The following TP63 variants were observed in gnomAD, a reference collection of about 807,000 sequenced individuals.
TP63 encodes the protein tumor protein p63.
A neutral mutation model predicts 82.8 loss-of-function variants in TP63; 17 were observed. The observed-to-expected ratio is 0.21, with a 90% confidence interval of 0.14 to 0.31. The LOEUF is 0.31. Ranked by LOEUF, TP63 falls within the 10% of genes least tolerant of loss-of-function variation. The pLI, the probability that TP63 is intolerant of heterozygous loss-of-function variation, is 1.00. For missense variants in TP63, 648 were observed against 895.3 expected (o/e 0.72, Z 3.52); for synonymous variants, 330 against 321.7 (o/e 1.03, Z -0.28).
intron 1 of TP63, among the ~76,000 whole-genome samples, chr3:189,731,394 TGTGAACCA>T (rs1483832222): frequency 6.6e-6 from 1 of 152,144 alleles, no homozygotes; most frequent in Non-Finnish European, 1.5e-5. Context: ...ATATATCTGG[TGTGAACCA>T]GTGAACCAGT....
chr3:189,690,732 G>A lies in TP63; in HGVS notation c.63-47008G>A, dbSNP rs184355819. Among the ~76,000 whole-genome samples, 9 of 152,304 alleles carry A rather than the reference G, an allele frequency of 5.9e-5. No individual in the cohort carries two copies. The East Asian group carries it at 1.7e-3, about 29-fold the overall frequency. The stretch of plus-strand genomic sequence containing the variant: ...TTAGCTGTTTTGTTCCTCATTCAAT[G>A]TGGGTATCACTCATTTTTATAGAAT... On this transcript the variant is annotated intron_variant, in intron 1 of 13. Transcript: ENST00000264731.
intron 7 of TP63, 22 bp downstream of exon 7, chr3:189,867,964 G>A: frequency 1.9e-6 from 3 of 1,597,346 alleles, no homozygotes; most frequent in Non-Finnish European, 2.6e-6. Flanking sequence ...ATGTAAAATT[G>A]TCATTCTACA....
intron 1 of TP63, among the ~76,000 whole-genome samples, chr3:189,692,005 T>G (rs947077200): frequency 6.6e-6 from 1 of 152,200 alleles, no homozygotes; most frequent in East Asian, 1.9e-4. Context: ...TCTGACACAA[T>G]TCAATGCTTT....
intron 3 of TP63, among the ~76,000 whole-genome samples, chr3:189,773,077 T>G (rs911428040): frequency 1.3e-5 from 2 of 152,194 alleles, no homozygotes; most frequent in Admixed American, 1.3e-4. Flanking sequence ...GATTTGTTTT[T>G]GCCCTTTCTC....
intron 3 of TP63, among the ~76,000 whole-genome samples, chr3:189,779,258 G>T (rs564763397): frequency 8.6e-5 from 13 of 152,034 alleles, no homozygotes; most frequent in Admixed American, 5.2e-4. Flanking sequence ...TTACAAAATC[G>T]TCTAGTTCAT....
chr3:189,696,716 CA>C (rs1717407120), intron 1 of TP63, among the ~76,000 whole-genome samples: 1 of 152,102 alleles, frequency 6.6e-6, no homozygotes, highest in African/African-American at 2.4e-5. Flanking sequence ...AATTGCTTGG[CA>C]GTCGTTTATA....
At chr3:189,725,104 G>GA (rs914580820) in intron 1 of TP63, among the ~76,000 whole-genome samples, 16 of 151,826 alleles carry the variant, frequency 1.1e-4, no homozygotes, top group Non-Finnish European at 2.2e-4. Context: ...ACCTCATTGT[G>GA]AAAAAAAGTC....
At chr3:189,862,817 A>T (rs1717202173) in intron 4 of TP63, among the ~76,000 whole-genome samples, 1 of 152,170 alleles carries the variant, frequency 6.6e-6, no homozygotes, top group Non-Finnish European at 1.5e-5. Context: ...TTGTGGTTGA[A>T]GTTTGGCATG....
chr3:189,820,856 A>C (rs1382455878), intron 4 of TP63, among the ~76,000 whole-genome samples: 1 of 152,204 alleles, frequency 6.6e-6, no homozygotes, highest in Non-Finnish European at 1.5e-5. Context: ...AAATATAAGG[A>C]CATACCTATT....
At chr3:189,746,164 A>C (rs116539094) in intron 3 of TP63, among the ~76,000 whole-genome samples, 51 of 152,222 alleles carry the variant, frequency 3.4e-4, no homozygotes, top group African/African-American at 1.2e-3. Context: ...AAATAAATAA[A>C]TAAATAAAAG....
chr3:189,751,371 T>C (rs1560157304), intron 3 of TP63, among the ~76,000 whole-genome samples: 2 of 152,226 alleles, frequency 1.3e-5, no homozygotes, highest in Non-Finnish European at 2.9e-5. Context: ...TATTTCCAGT[T>C]CTAGATCCTT....
chr3:189,731,040 G>A (rs1720129636), intron 1 of TP63, among the ~76,000 whole-genome samples: 1 of 150,020 alleles, frequency 6.7e-6, no homozygotes, highest in Non-Finnish European at 1.5e-5. Context: ...TTTTCTTATT[G>A]GACTATAGAT....
At chr3:189,622,010 G>A in the TP63 span, among the ~76,000 whole-genome samples, 246 of 152,252 alleles carry the variant, frequency 1.6e-3, 1 homozygote, top group Middle Eastern at 6.8e-3. Flanking sequence ...CCTACTCAGG[G>A]GTCACCCCGT....
chr3:189,780,525 C>T (rs1424051841), intron 3 of TP63, among the ~76,000 whole-genome samples: 2 of 151,950 alleles, frequency 1.3e-5, no homozygotes, highest in Admixed American at 1.3e-4. Context: ...TTTCCTAATT[C>T]TATGTACACT....
chr3:189,652,564 A>C (rs1181350416), intron 1 of TP63, among the ~76,000 whole-genome samples: 1 of 146,836 alleles, frequency 6.8e-6, no homozygotes, highest in Admixed American at 6.7e-5. Flanking sequence ...TTAATGCTAG[A>C]ATGAGTTAAG....
At position 189,834,079 on chromosome 3, in the gene TP63, G is replaced by A. The variant is rs139792099; in HGVS notation, c.579+25553G>A. Among the ~76,000 whole-genome samples, 17 of 152,256 alleles carry A rather than the reference G, an allele frequency of 1.1e-4. No homozygotes were observed. The East Asian group carries it at 2.1e-3, about 19-fold the overall frequency. The stretch of plus-strand genomic sequence containing the variant: ...GATTTTGAAGGTTGAGAGACATGAC[G>A]ATACTTGTTAGGTATGAGGGAGACA... On this transcript the variant is annotated intron_variant, in intron 4 of 13. Transcript: ENST00000264731.
chr3:189,663,359 G>T (rs1486158289), intron 1 of TP63, among the ~76,000 whole-genome samples: 1 of 151,984 alleles, frequency 6.6e-6, no homozygotes, highest in Non-Finnish European at 1.5e-5. Flanking sequence ...CAGAGGAAAA[G>T]ATTTATAGAA....
At chr3:189,786,028 A>G (rs1395324145) in intron 3 of TP63, among the ~76,000 whole-genome samples, 1 of 152,010 alleles carries the variant, frequency 6.6e-6, no homozygotes, top group Admixed American at 6.6e-5. Flanking sequence ...ATAAAAATAC[A>G]ACAAACCAAA....
chr3:189,703,427 A>AATAGATAG (rs58784734), intron 1 of TP63, among the ~76,000 whole-genome samples: 17,547 of 143,028 alleles, frequency 0.12, 1,266 homozygotes, highest in African/African-American at 0.18. Flanking sequence ...CCCTGTCTAA[A>AATAGATAG]ATAGATAGAT....
Sources: allele counts gnomAD v4.1 joint callset (sites outside exome capture counted in the v4.1 genomes callset), GRCh38; gene constraint gnomAD v4.1.1; transcripts MANE v1.5; gene names NCBI Gene and HGNC (gene_info 2026-07-23, HGNC 2026-07-21).